The following TPP2 variants were observed in gnomAD, a reference collection of about 807,000 sequenced individuals.
TPP2 encodes the protein tripeptidyl-peptidase 2.
Under a neutral mutation model 155.9 loss-of-function variants are expected in TPP2, and 34 were observed. The ratio of observed to expected loss-of-function variants is 0.22; its 90% CI spans 0.17 to 0.29. The LOEUF (loss-of-function observed/expected upper bound fraction) is 0.29. Among genes scored for constraint, TPP2 ranks in the 10% least tolerant of loss-of-function variants. The probability of loss-of-function intolerance (pLI) is 1.00; values close to 1 mark genes in which losing one functional copy is unlikely to be tolerated. For synonymous variants in TPP2, 510 were observed against 529.4 expected (o/e 0.96, Z 0.50); for missense variants, 1,028 against 1,522.3 (o/e 0.68, Z 5.40).
intron 24 of TPP2, among the ~76,000 whole-genome samples, chr13:102,653,167 A>G (rs535012552): frequency 1.4e-4 from 21 of 152,320 alleles, no homozygotes; most frequent in African/African-American, 4.8e-4. Flanking sequence ...TCTGTCTTCA[A>G]TGCAAGTACA....
chr13:102,663,113 GTTTGA>G (rs1429221694), intron 25 of TPP2, among the ~76,000 whole-genome samples: 1 of 88,602 alleles, frequency 1.1e-5, no homozygotes, highest in Non-Finnish European at 2.2e-5. Context: ...ATAATTTTCA[GTTTGA>G]TTTATTTATT....
chr13:102,646,615 G>C (rs1266893174), intron 20 of TPP2, among the ~76,000 whole-genome samples: 2 of 152,184 alleles, frequency 1.3e-5, no homozygotes, highest in African/African-American at 2.4e-5. Context: ...CTAGCCTTAA[G>C]CCTTAGTTTA....
intron 4 of TPP2, among the ~76,000 whole-genome samples, chr13:102,617,778 A>G (rs1331172007): frequency 1.3e-5 from 2 of 152,184 alleles, no homozygotes; most frequent in Non-Finnish European, 2.9e-5. Context: ...AATAGTAAAT[A>G]TTTTTAGTAC....
At chr13:102,663,789 T>C (rs1247292788) in intron 26 of TPP2, 45 bp downstream of exon 26, 2 of 1,434,162 alleles carry the variant, frequency 1.4e-6, no homozygotes, top group Admixed American at 2.4e-5. Context: ...TTTGTAATTA[T>C]ATAAGTTTGT....
chr13:102,632,153 G>A (rs1318805295), intron 10 of TPP2, among the ~76,000 whole-genome samples: 3 of 152,056 alleles, frequency 2.0e-5, no homozygotes, highest in African/African-American at 7.2e-5. Flanking sequence ...ACATAAACAG[G>A]TCGTGAAATT....
At chr13:102,664,990 G>T in intron 27 of TPP2, 65 bp downstream of exon 27, 1 of 1,578,722 alleles carries the variant, frequency 6.3e-7, no homozygotes, top group Non-Finnish European at 8.6e-7. Flanking sequence ...AAAAAGTAGG[G>T]ACTAATATTA....
At chr13:102,655,938 A>G (rs970698508) in intron 24 of TPP2, among the ~76,000 whole-genome samples, 1 of 151,852 alleles carries the variant, frequency 6.6e-6, no homozygotes, top group Admixed American at 6.6e-5. Context: ...TCCATTCACT[A>G]TCCCTAACTG....
chr13:102,623,140 G>C, intron 6 of TPP2, 100 bp downstream of exon 6: 1 of 1,301,460 alleles, frequency 7.7e-7, no homozygotes, highest in Non-Finnish European at 1.0e-6. Flanking sequence ...TTTTAAGCTA[G>C]AGATCGTAGC....
chr13:102,602,022 A>C (rs1157676706), intron 1 of TPP2, among the ~76,000 whole-genome samples: 3 of 152,184 alleles, frequency 2.0e-5, no homozygotes, highest in Non-Finnish European at 4.4e-5. Context: ...CTAATGAGAG[A>C]TCTATCTGAC....
At chr13:102,649,748 C>T (rs948498174) in intron 23 of TPP2, among the ~76,000 whole-genome samples, 4 of 151,790 alleles carry the variant, frequency 2.6e-5, no homozygotes, top group Non-Finnish European at 4.4e-5. Flanking sequence ...TTACCTCCTA[C>T]GGCTAATACA....
intron 2 of TPP2, among the ~76,000 whole-genome samples, chr13:102,606,022 T>C (rs1160624983): frequency 2.0e-5 from 3 of 152,178 alleles, no homozygotes; most frequent in African/African-American, 7.2e-5. Flanking sequence ...GCACTCGGCC[T>C]ACCAGCTTTG....
chr13:102,668,862 C>T (rs1433438302), intron 27 of TPP2, among the ~76,000 whole-genome samples: 1 of 152,188 alleles, frequency 6.6e-6, no homozygotes, highest in Non-Finnish European at 1.5e-5. Context: ...TTTTCTTCAA[C>T]ATCTCCCAGG....
chr13:102,667,871 T>G (rs1849580413), intron 27 of TPP2: 1 of 966,222 alleles, frequency 1.0e-6, no homozygotes, highest in Non-Finnish European at 1.2e-6. Flanking sequence ...ATGAAAGGAG[T>G]GCTCAGACAC....
intron 27 of TPP2, among the ~76,000 whole-genome samples, chr13:102,666,766 CTTTTTT>C: frequency 7.2e-5 from 4 of 55,732 alleles, no homozygotes; most frequent in African/African-American, 1.5e-4. Context: ...TTTTTAATCT[CTTTTTT>C]TTTTTTTTTT....
At chr13:102,646,875 C>T (rs1883140053) in intron 20 of TPP2, among the ~76,000 whole-genome samples, 1 of 152,176 alleles carries the variant, frequency 6.6e-6, no homozygotes. Flanking sequence ...TACTGAAACA[C>T]ACATCAGTTT....
intron 2 of TPP2, among the ~76,000 whole-genome samples, chr13:102,610,818 A>T (rs1423554934): frequency 1.2e-4 from 17 of 147,434 alleles, no homozygotes; most frequent in Non-Finnish European, 3.1e-5. Context: ...TACATAAAAC[A>T]CATATATACA....
At chr13:102,616,994 T>C (rs1880788346) in intron 4 of TPP2, among the ~76,000 whole-genome samples, 1 of 151,306 alleles carries the variant, frequency 6.6e-6, no homozygotes, top group Admixed American at 6.6e-5. Context: ...CATTGCAACC[T>C]CTGCCTTCCG....
chr13:102,658,308 G>T lies in TPP2; in HGVS notation c.3143+1101G>T, dbSNP rs542432312. ...TCATGATGTGAAAATATTTCCCAGA[G>T]ATTGAACCATTGTAATGTCAGTTCA... On this transcript the variant is annotated intron_variant, in intron 25 of 29. Transcript: ENST00000376052. Among the ~76,000 whole-genome samples the T allele has an allele frequency of 3.3e-4, 51 of 152,308 alleles. 1 individual carries two copies. In the South Asian group the frequency reaches 8.7e-3, roughly 26 times the overall value.
chr13:102,642,652 A>C (rs1335613376), intron 16 of TPP2, among the ~76,000 whole-genome samples: 3 of 152,168 alleles, frequency 2.0e-5, no homozygotes, highest in African/African-American at 7.2e-5. Context: ...TGTTCTTTAG[A>C]AAAGCTGCCA....
Sources: allele counts gnomAD v4.1 joint callset (sites outside exome capture counted in the v4.1 genomes callset), GRCh38; gene constraint gnomAD v4.1.1; transcripts MANE v1.5; gene names NCBI Gene and HGNC (gene_info 2026-07-23, HGNC 2026-07-21).